Variants in RUFY2 observed in about 807,000 individuals in gnomAD.
RUFY2 encodes RUN and FYVE domain-containing protein 2.
In RUFY2, 49 loss-of-function variants were observed where a neutral mutation model predicts 94.4. The observed-to-expected ratio is 0.52, with a 90% CI of 0.41 to 0.66. The LOEUF is 0.66. RUFY2 is among the 30% of genes least tolerant of loss of function. The pLI is 0.00. For synonymous variants in RUFY2, 255 were observed against 235.7 expected, an observed-to-expected ratio of 1.08 and a Z score of -0.75; for missense variants, 541 against 692.8, an observed-to-expected ratio of 0.78 and a Z score of 2.46.
intron 7 of RUFY2, among the ~76,000 whole-genome samples, chr10:68,388,850 AAAAAG>A (rs1156893083): frequency 3.0e-4 from 37 of 125,380 alleles, no homozygotes; most frequent in South Asian, 3.5e-4. Context: ...AAAAAAAAAA[AAAAAG>A]AAAAGAAAAG....
intron 13 of RUFY2, among the ~76,000 whole-genome samples, chr10:68,373,682 A>G (rs7085648): frequency 0.27 from 41,194 of 152,120 alleles, 7,723 homozygotes; most frequent in African/African-American, 0.53. Flanking sequence ...TGAGGCAGGA[A>G]GATCTCTTGA....
At chr10:68,367,709 T>C (rs1026697906) in intron 13 of RUFY2, among the ~76,000 whole-genome samples, 2 of 140,052 alleles carry the variant, frequency 1.4e-5, no homozygotes, top group African/African-American at 6.5e-5. Flanking sequence ...TCTTTCTTTC[T>C]CTATCTCTCT....
chr10:68,346,159 CATT>C, intron 16 of RUFY2, 75 bp from the exon 17 acceptor site: 4 of 1,089,208 alleles, frequency 3.7e-6, no homozygotes, highest in Non-Finnish European at 5.4e-6. Flanking sequence ...CCCCCAAGAA[CATT>C]ATTTATAGGA....
At chr10:68,393,971 A>G (rs1410000766) in intron 6 of RUFY2, 104 bp downstream of exon 6, 1 of 1,423,310 alleles carries the variant, frequency 7.0e-7, no homozygotes, top group Non-Finnish European at 9.2e-7. Flanking sequence ...CACAGGGGGG[A>G]AAACAACAAA....
chr10:68,400,885 C>T (rs558616283), intron 3 of RUFY2, among the ~76,000 whole-genome samples: 7 of 151,718 alleles, frequency 4.6e-5, no homozygotes, highest in South Asian at 2.1e-4. Flanking sequence ...TGGTGGCGGG[C>T]GCCTGTAGTC....
At chr10:68,354,945 C>G (rs1417151811) in intron 16 of RUFY2, among the ~76,000 whole-genome samples, 1 of 151,538 alleles carries the variant, frequency 6.6e-6, no homozygotes, top group Admixed American at 6.6e-5. Context: ...CTTCCGGGCT[C>G]AAGCAATTCT....
At chr10:68,346,717 C>T (rs7923289) in intron 16 of RUFY2, 41,158 of 151,818 alleles carry the variant, frequency 0.27, 7,712 homozygotes, top group African/African-American at 0.53. Flanking sequence ...GCATGCAATA[C>T]GAAATAAGCA....
chr10:68,364,174 A>G, intron 13 of RUFY2, 61 bp from the exon 14 acceptor site: 1 of 1,480,542 alleles, frequency 6.8e-7, no homozygotes, highest in East Asian at 2.4e-5. Context: ...GTTGTTATGT[A>G]TTCTTTACTA....
intron 7 of RUFY2, 29 bp from the exon 8 acceptor site, chr10:68,386,157 C>A: frequency 6.3e-7 from 1 of 1,577,330 alleles, no homozygotes; most frequent in South Asian, 1.1e-5. Flanking sequence ...AAAACTCATT[C>A]AAAATCACAC....
In RUFY2 at chr10:68,346,039, A is replaced by G. The variant is rs769946027; in HGVS notation, c.1645T>C (p.Cys549Arg). Reference sequence around the variant, plus strand: ...TTAGAGAGTGAGAATTCCTTTTCACAAAGTTTACAATGTGTTGCTTCTTTG... The same window carrying G: ...TTAGAGAGTGAGAATTCCTTTTCACGAAGTTTACAATGTGTTGCTTCTTTG... ...KDKEATHCKL[C>R]EKEFSLSKRK... is the part of the protein sequence containing the mutation. The change falls in exon 17 of 18, where the codon TGT (cysteine) becomes CGT (arginine). Residue 549 changes from cysteine to arginine, a missense_variant. Transcript: ENST00000602465. 6.2e-7 allele frequency: 1 copy of G among 1,613,980 alleles called. No individual in the cohort carries two copies. The highest frequency in any genetic ancestry group is 8.5e-7 in the Non-Finnish European group (1 of 1,179,946).
chr10:68,387,998 G>A (rs1278730547), intron 7 of RUFY2, among the ~76,000 whole-genome samples: 4 of 151,824 alleles, frequency 2.6e-5, no homozygotes, highest in African/African-American at 9.7e-5. Flanking sequence ...GCAAGACTCT[G>A]TCTCAGAAAA....
chr10:68,345,667 G>C lies in RUFY2; in HGVS notation c.*101C>G. 1 of 1,037,562 alleles carries C rather than the reference G, an allele frequency of 9.6e-7. No individual in the cohort carries two copies. The highest frequency in any genetic ancestry group is 1.4e-6 in the Non-Finnish European group (1 of 703,914). The allele number at this position is 1,037,562 out of a possible 1,614,324, so 64.3% of individuals were successfully genotyped here. A position where few individuals can be genotyped will look rare whatever the true frequency, so the allele number is the denominator to read the frequency against. ...AGAAGATAAACTGGTACCAAATACT[G>C]ACCGAAAGCCGCTTAAGGAGAGCTG... On this transcript the variant is annotated 3_prime_UTR_variant, in exon 18 of 18. Transcript: ENST00000602465.
chr10:68,395,274 G>T (rs1377850345), intron 4 of RUFY2, among the ~76,000 whole-genome samples: 1 of 151,694 alleles, frequency 6.6e-6, no homozygotes, highest in Non-Finnish European at 1.5e-5. Context: ...GGAGGCAGAG[G>T]TTGCAGTGAG....
At chr10:68,354,997 C>T (rs777382237) in intron 16 of RUFY2, among the ~76,000 whole-genome samples, 5 of 152,130 alleles carry the variant, frequency 3.3e-5, no homozygotes, top group African/African-American at 7.2e-5. Flanking sequence ...CAGGCACCCA[C>T]TACCACACTC....
intron 3 of RUFY2, among the ~76,000 whole-genome samples, chr10:68,397,599 A>T: frequency 6.7e-6 from 1 of 148,320 alleles, no homozygotes; most frequent in East Asian, 2.0e-4. Context: ...ATTTAAAAAT[A>T]AAAAAAATTA....
At chr10:68,392,510 GGAA>G (rs1564840658) in intron 7 of RUFY2, among the ~76,000 whole-genome samples, 2 of 152,102 alleles carry the variant, frequency 1.3e-5, no homozygotes, top group Non-Finnish European at 2.9e-5. Flanking sequence ...CTTTGAAGTA[GGAA>G]AAATGAATTT....
chr10:68,381,309 G>A lies in RUFY2; in HGVS notation c.1030C>T (p.Gln344Ter). ...KLLEKDIHEK[Q>*]DTLIGLRQQL... Reference sequence around the variant, plus strand: ...TGTCGAAGGCCTATCAGAGTATCTTGTTTCTCATGGATATCTTTCTCCAGC... The same window carrying A: ...TGTCGAAGGCCTATCAGAGTATCTTATTTCTCATGGATATCTTTCTCCAGC... Residue 344 changes from glutamine to a stop codon, truncating the protein, a stop_gained, in exon 11 of 18, where the codon CAA becomes TAA. Coordinates refer to ENST00000602465, the MANE Select transcript of RUFY2 (RefSeq NM_001330103.2). LOFTEE classifies it high-confidence loss of function. 1 of 1,613,784 alleles carries A rather than the reference G, an allele frequency of 6.2e-7. No homozygotes were observed. Among genetic ancestry groups the A allele is most frequent in the Non-Finnish European group, 8.5e-7 (1 of 1,179,842 alleles).
intron 2 of RUFY2, among the ~76,000 whole-genome samples, chr10:68,402,323 T>C (rs982361050): frequency 3.3e-5 from 5 of 152,138 alleles, no homozygotes; most frequent in Non-Finnish European, 7.4e-5. Flanking sequence ...TTGTATTTTA[T>C]TCTGAGATTT....
chr10:68,342,608 T>G (rs186752099), downstream of RUFY2: 1 of 152,738 alleles, frequency 6.5e-6, no homozygotes, highest in African/African-American at 2.4e-5. Flanking sequence ...TCTGAAACAT[T>G]GATGATCTAA....
Sources: allele counts gnomAD v4.1 joint callset (sites outside exome capture counted in the v4.1 genomes callset), GRCh38; gene constraint gnomAD v4.1.1; transcripts MANE v1.5; gene names NCBI Gene and HGNC (gene_info 2026-07-23, HGNC 2026-07-21).